Variants in NEK11 observed in about 807,000 individuals in gnomAD.
NEK11 encodes serine/threonine-protein kinase Nek11.
NEK11 carries 72 observed loss-of-function variants against 80.7 expected under a neutral mutation model. That is an observed-to-expected ratio of 0.89 (90% confidence interval 0.74 to 1.08). The LOEUF (loss-of-function observed/expected upper bound fraction) is 1.08, where lower values mean the gene tolerates loss of function less well. Among genes scored for constraint, NEK11 ranks in the 50% least tolerant of loss-of-function variants. NEK11 has a pLI of 0.00. For synonymous variants in NEK11, 251 were observed against 260.7 expected, an observed-to-expected ratio of 0.96 and a Z score of 0.36; for missense variants, 764 against 763.6, an observed-to-expected ratio of 1.00 and a Z score of -0.01.
At chr3:131,125,083 T>C (rs111338385) in intron 5 of NEK11, among the ~76,000 whole-genome samples, 1 of 152,358 alleles carries the variant, frequency 6.6e-6, no homozygotes, top group African/African-American at 2.4e-5. Flanking sequence ...ACATACTTAT[T>C]CCTCTCTAAT....
At chr3:131,056,535 G>A (rs1310213918) in intron 3 of NEK11, among the ~76,000 whole-genome samples, 1 of 152,174 alleles carries the variant, frequency 6.6e-6, no homozygotes, top group East Asian at 1.9e-4. Context: ...TGGTTCTGAT[G>A]TTCAGTGACT....
chr3:131,265,848 C>T (rs905013615), intron 16 of NEK11, among the ~76,000 whole-genome samples: 1 of 152,046 alleles, frequency 6.6e-6, no homozygotes, highest in Non-Finnish European at 1.5e-5. Flanking sequence ...TGGTCCTGGA[C>T]TTTTTTTGGT....
At chr3:131,187,447 TCA>T (rs2093642074) in intron 14 of NEK11, among the ~76,000 whole-genome samples, 1 of 152,188 alleles carries the variant, frequency 6.6e-6, no homozygotes, top group African/African-American at 2.4e-5. Context: ...AACTTAAAAC[TCA>T]CAAAAGATTC....
intron 14 of NEK11, among the ~76,000 whole-genome samples, chr3:131,197,339 A>T (rs2094057841): frequency 6.6e-6 from 1 of 152,178 alleles, no homozygotes; most frequent in African/African-American, 2.4e-5. Flanking sequence ...TGTCATTAAC[A>T]TCGGAGCATG....
At chr3:131,178,453 C>T (rs2093163098) in intron 14 of NEK11, among the ~76,000 whole-genome samples, 1 of 152,284 alleles carries the variant, frequency 6.6e-6, no homozygotes, top group South Asian at 2.1e-4. Context: ...TTATATCATT[C>T]TATAAGCATT....
chr3:131,127,333 C>T (rs907122159), intron 5 of NEK11, among the ~76,000 whole-genome samples: 2 of 151,934 alleles, frequency 1.3e-5, no homozygotes, highest in African/African-American at 4.8e-5. Context: ...ACCATTATTC[C>T]AGTTTCTAAA....
chr3:131,337,086 A>G (rs1377459291), intron 17 of NEK11, among the ~76,000 whole-genome samples: 30 of 149,208 alleles, frequency 2.0e-4, no homozygotes, highest in African/African-American at 4.2e-4. Flanking sequence ...AACTAGAAAT[A>G]CCATTTGACC....
intron 5 of NEK11, among the ~76,000 whole-genome samples, chr3:131,115,673 A>G (rs907074591): frequency 1.3e-5 from 2 of 152,202 alleles, no homozygotes; most frequent in Admixed American, 6.5e-5. Flanking sequence ...CGGGGAGTTC[A>G]GTTATGTCAA....
At chr3:131,158,725 G>A (rs1014529348) in intron 10 of NEK11, among the ~76,000 whole-genome samples, 2 of 152,180 alleles carry the variant, frequency 1.3e-5, no homozygotes, top group Non-Finnish European at 2.9e-5. Context: ...ATGCCCACAG[G>A]GAGACAGGCA....
At chr3:131,336,454 T>C (rs1420066464) in intron 17 of NEK11, among the ~76,000 whole-genome samples, 5 of 152,156 alleles carry the variant, frequency 3.3e-5, no homozygotes, top group African/African-American at 4.8e-5. Context: ...TTACACCTTA[T>C]ACAAAAATTA....
At chr3:131,079,070 T>C (rs1276881745) in intron 3 of NEK11, among the ~76,000 whole-genome samples, 1 of 152,194 alleles carries the variant, frequency 6.6e-6, no homozygotes, top group Non-Finnish European at 1.5e-5. Context: ...TATTTTCAAG[T>C]TTTTTGGTAA....
intron 3 of NEK11, among the ~76,000 whole-genome samples, chr3:131,035,003 AC>A (rs1437021240): frequency 2.0e-5 from 3 of 152,278 alleles, no homozygotes; most frequent in South Asian, 4.1e-4. Context: ...GTGATCGTAC[AC>A]CTTGGTCTTT....
At chr3:131,165,239 G>T in intron 11 of NEK11, 187 bp from the exon 12 acceptor site, 1 of 551,940 alleles carries the variant, frequency 1.8e-6, no homozygotes, top group Admixed American at 3.2e-5. Flanking sequence ...AGAGTATCTT[G>T]TGTGTGCTTT....
chr3:131,055,877 A>C (rs1199996094), intron 3 of NEK11, among the ~76,000 whole-genome samples: 1 of 152,182 alleles, frequency 6.6e-6, no homozygotes, highest in African/African-American at 2.4e-5. Flanking sequence ...CCCAAAATGA[A>C]AGATCATTGG....
At chr3:131,074,207 T>C (rs895544279) in intron 3 of NEK11, among the ~76,000 whole-genome samples, 1 of 152,148 alleles carries the variant, frequency 6.6e-6, no homozygotes, top group African/African-American at 2.4e-5. Context: ...GGGACCCAAA[T>C]GAAGAGAGTC....
In NEK11 at chr3:131,034,732, G is replaced by A. The variant is rs572550835; in HGVS notation, c.170+4854G>A. 2.5e-4 allele frequency among the ~76,000 whole-genome samples: 38 copies of A among 152,346 alleles called. No individual in the cohort carries two copies. In the South Asian group the frequency reaches 7.9e-3, roughly 32 times the overall value. ...TTGCTTTGGACTCAGCACGAGAGAG[G>A]AAACTGAAGCAGTAGGAGATAAGGC... On this transcript the variant is annotated intron_variant, in intron 3 of 17. Transcript: ENST00000383366.
chr3:131,107,551 A>G (rs2079399237), intron 4 of NEK11, among the ~76,000 whole-genome samples: 1 of 152,104 alleles, frequency 6.6e-6, no homozygotes, highest in Non-Finnish European at 1.5e-5. Context: ...GAGATGTTTT[A>G]TCGTGTTCAG....
chr3:131,310,218 G>GT (rs2109390712), intron 17 of NEK11, among the ~76,000 whole-genome samples: 1 of 151,910 alleles, frequency 6.6e-6, no homozygotes, highest in South Asian at 2.1e-4. Context: ...ATTCTCTATT[G>GT]TACCCTTGAG....
intron 14 of NEK11, among the ~76,000 whole-genome samples, chr3:131,198,833 G>C (rs1344352749): frequency 6.6e-6 from 1 of 152,202 alleles, no homozygotes; most frequent in African/African-American, 2.4e-5. Context: ...CTTACTAAAT[G>C]GGTATTGGCT....
Sources: gnomAD v4.1 joint callset for allele counts (sites outside exome capture counted in the v4.1 genomes callset) on GRCh38, gnomAD v4.1.1 for gene constraint, MANE v1.5 for transcripts, NCBI Gene and HGNC (gene_info 2026-07-23, HGNC 2026-07-21) for gene names.